The following UBE2W variants were observed in gnomAD, a reference collection of about 807,000 sequenced individuals.
The protein encoded by UBE2W is ubiquitin-conjugating enzyme E2 W.
UBE2W carries 18 observed loss-of-function variants against 27.2 expected under a neutral mutation model. The observed-to-expected ratio is 0.66, with a 90% CI of 0.46 to 0.98. The LOEUF is 0.98. Among genes scored for constraint, UBE2W ranks in the 50% least tolerant of loss-of-function variants. The pLI, the probability that UBE2W is intolerant of heterozygous loss-of-function variation, is 0.00. For missense variants in UBE2W, 90 were observed against 180.2 expected, an observed-to-expected ratio of 0.50 and a Z score of 2.87; for synonymous variants, 53 against 57.2, an observed-to-expected ratio of 0.93 and a Z score of 0.33.
chr8:73,799,423 G>C (rs867416712), intron 5 of UBE2W, among the ~76,000 whole-genome samples: 1 of 152,154 alleles, frequency 6.6e-6, no homozygotes, highest in Non-Finnish European at 1.5e-5. Context: ...TGGAGCCCTT[G>C]TGTCTTCTTC....
intron 1 of UBE2W, 81 bp from the exon 2 acceptor site, chr8:73,830,553 ACAGCT>A: frequency 2.0e-6 from 2 of 994,232 alleles, no homozygotes; most frequent in Non-Finnish European, 3.1e-6. Flanking sequence ...TGGTGTGATC[ACAGCT>A]CACCACATCC....
chr8:73,806,659 C>A (rs914020314), intron 4 of UBE2W, among the ~76,000 whole-genome samples: 1 of 152,044 alleles, frequency 6.6e-6, no homozygotes, highest in Non-Finnish European at 1.5e-5. Flanking sequence ...TTGCAATGAG[C>A]CGAGATTGCG....
chr8:73,801,292 C>T (rs1563574296), intron 5 of UBE2W, among the ~76,000 whole-genome samples: 2 of 152,074 alleles, frequency 1.3e-5, no homozygotes, highest in Non-Finnish European at 2.9e-5. Flanking sequence ...GGCTAGAAAA[C>T]CGATTATCTT....
intron 1 of UBE2W, among the ~76,000 whole-genome samples, chr8:73,866,285 AAAAAAATATAT>A (rs1343444876): frequency 2.5e-4 from 27 of 107,850 alleles, no homozygotes; most frequent in African/African-American, 8.6e-4. Flanking sequence ...AAAAAAAAAA[AAAAAAATATAT>A]ATATATATAT....
intron 5 of UBE2W, among the ~76,000 whole-genome samples, chr8:73,803,923 C>A (rs997334446): frequency 3.9e-5 from 6 of 151,930 alleles, no homozygotes; most frequent in Non-Finnish European, 7.4e-5. Flanking sequence ...CCTGCCACCA[C>A]GCCCGGCTAA....
chr8:73,874,816 G>A (rs1043764764), intron 1 of UBE2W, among the ~76,000 whole-genome samples: 4 of 152,202 alleles, frequency 2.6e-5, no homozygotes, highest in Non-Finnish European at 4.4e-5. Context: ...GTAATGCCAG[G>A]ATTTGGGGAG....
At chr8:73,845,753 A>G (rs980758981) in intron 1 of UBE2W, among the ~76,000 whole-genome samples, 1 of 152,206 alleles carries the variant, frequency 6.6e-6, no homozygotes, top group Non-Finnish European at 1.5e-5. Context: ...TGCCATACAC[A>G]AAAGATAGAT....
At chr8:73,848,747 T>G (rs765467500) in intron 1 of UBE2W, among the ~76,000 whole-genome samples, 2 of 152,032 alleles carry the variant, frequency 1.3e-5, no homozygotes, top group Admixed American at 1.3e-4. Context: ...AGGGAGGAAG[T>G]AGTGCTTAGG....
intron 1 of UBE2W, among the ~76,000 whole-genome samples, chr8:73,863,951 CAAA>C (rs11410266): frequency 8.4e-6 from 1 of 119,604 alleles, no homozygotes; most frequent in African/African-American, 2.8e-5. Context: ...AAAAACAAAC[CAAA>C]AAAAAAAAAG....
chr8:73,864,750 T>TTGGGG (rs1475765458), intron 1 of UBE2W, among the ~76,000 whole-genome samples: 7 of 88,550 alleles, frequency 7.9e-5, no homozygotes, highest in African/African-American at 1.2e-4. Context: ...CAAATTTTTT[T>TTGGGG]GGGGGGGGGG....
At chr8:73,802,452 C>T (rs1047048598) in intron 5 of UBE2W, among the ~76,000 whole-genome samples, 8 of 150,394 alleles carry the variant, frequency 5.3e-5, no homozygotes, top group Non-Finnish European at 8.8e-5. Flanking sequence ...AACTTTATAA[C>T]GATAGTGCTT....
chr8:73,786,185 T>C (rs1807947923), downstream of UBE2W: 1 of 978,034 alleles, frequency 1.0e-6, no homozygotes. Context: ...GAGATAAAGA[T>C]ATGAGAAACA....
chr8:73,803,854 C>T (rs1808753304), intron 5 of UBE2W, among the ~76,000 whole-genome samples: 1 of 151,642 alleles, frequency 6.6e-6, no homozygotes, highest in African/African-American at 2.4e-5. Context: ...ATGAGCTCCG[C>T]CTCCTGGGTT....
chr8:73,830,873 T>C (rs1586490534), intron 1 of UBE2W, among the ~76,000 whole-genome samples: 6 of 152,230 alleles, frequency 3.9e-5, no homozygotes, highest in Admixed American at 3.9e-4. Flanking sequence ...TTCCTCCAAA[T>C]GTTCATACCT....
At chr8:73,858,347 C>G (rs1276586229) in intron 1 of UBE2W, among the ~76,000 whole-genome samples, 1 of 105,212 alleles carries the variant, frequency 9.5e-6, no homozygotes, top group Non-Finnish European at 1.8e-5. Context: ...GGTGACAGAG[C>G]AAGACTTCAT....
intron 5 of UBE2W, among the ~76,000 whole-genome samples, chr8:73,799,068 G>T (rs1031709767): frequency 1.3e-5 from 2 of 151,786 alleles, no homozygotes; most frequent in East Asian, 3.9e-4. Flanking sequence ...TTAGTGAATA[G>T]AAACTATAAA....
chr8:73,855,417 T>TTTG, intron 1 of UBE2W, among the ~76,000 whole-genome samples: 1 of 147,150 alleles, frequency 6.8e-6, no homozygotes, highest in Admixed American at 6.7e-5. Flanking sequence ...TTTTTTTTTT[T>TTTG]TTGAGACAAG....
intron 2 of UBE2W, 65 bp downstream of exon 2, chr8:73,830,316 A>C (rs1810019674): frequency 8.5e-7 from 1 of 1,176,402 alleles, no homozygotes; most frequent in Non-Finnish European, 1.2e-6. Context: ...AGTTTTAAAA[A>C]GCGGGTGAAC....
At chr8:73,780,485 C>A (rs1807821936) in exon 5 of UBE2W, 1 of 452,132 alleles carries the variant, frequency 2.2e-6, no homozygotes, top group African/African-American at 2.0e-5. Context: ...ATGATTCAAT[C>A]CGTAATAGAT....
Sources: allele counts gnomAD v4.1 joint callset (sites outside exome capture counted in the v4.1 genomes callset), GRCh38; gene constraint gnomAD v4.1.1; transcripts MANE v1.5; gene names NCBI Gene and HGNC (gene_info 2026-07-23, HGNC 2026-07-21).